MIA2: variants seen among roughly 807,000 people sequenced by gnomAD.
The protein encoded by MIA2 is MIA SH3 domain ER export factor 2, also known as melanoma inhibitory activity protein 2.
A neutral mutation model predicts 167.8 loss-of-function variants in MIA2; 127 were observed. The observed-to-expected ratio is 0.76, with a 90% confidence interval of 0.66 to 0.88. MIA2 has a LOEUF of 0.88. Ranked by LOEUF, MIA2 falls within the 40% of genes least tolerant of loss-of-function variation. The probability of loss-of-function intolerance (pLI) is 0.00; values close to 1 mark genes in which losing one functional copy is unlikely to be tolerated. For synonymous variants in MIA2, 552 were observed against 541.9 expected (o/e 1.02, Z -0.26); for missense variants, 1,690 against 1,624.7 (o/e 1.04, Z -0.69).
chr14:39,325,607 C>T (rs10140553), intron 24 of MIA2, among the ~76,000 whole-genome samples: 63,181 of 151,304 alleles, frequency 0.42, 13,411 homozygotes, highest in East Asian at 0.62. Flanking sequence ...GACCTTGTGA[C>T]CCGCCCGCCT....
intron 23 of MIA2, among the ~76,000 whole-genome samples, chr14:39,379,633 C>T (rs2075113108): frequency 1.3e-5 from 2 of 152,018 alleles, no homozygotes; most frequent in African/African-American, 4.8e-5. Flanking sequence ...GGGTGGATCA[C>T]CTGAGGTCAG....
intron 6 of MIA2, among the ~76,000 whole-genome samples, chr14:39,261,165 G>C (rs931926810): frequency 1.3e-5 from 2 of 151,986 alleles, no homozygotes; most frequent in Non-Finnish European, 2.9e-5. Flanking sequence ...ACAGGCTCTG[G>C]TGTGTGATGT....
Position 39,273,329 on chromosome 14 carries a change from C to T in MIA2, c.1888-3605C>T, listed in dbSNP as rs189970821. Among the ~76,000 whole-genome samples, 104 of 123,194 alleles carry T rather than the reference C, an allele frequency of 8.4e-4. 1 individual carries two copies. The highest frequency in any genetic ancestry group is 2.2e-3 in the African/African-American group (76 of 34,320). The allele number at this position is 123,194 out of a possible 152,430, so 80.8% of individuals were successfully genotyped here. Reference sequence around the variant, plus strand: ...TCAGGTTGAGGAAATTCCCTCAAATCGTACTTTGTTGAGTGTGTTTTGTTT... The same window carrying T: ...TCAGGTTGAGGAAATTCCCTCAAATTGTACTTTGTTGAGTGTGTTTTGTTT... On this transcript the variant is annotated intron_variant, in intron 6 of 28. Coordinates refer to ENST00000640607, the MANE Select transcript of MIA2 (RefSeq NM_001329214.4).
At chr14:39,385,607 G>T (rs1353045735) in intron 23 of MIA2, 4 of 811,338 alleles carry the variant, frequency 4.9e-6, no homozygotes, top group Non-Finnish European at 8.9e-6. Flanking sequence ...TCTACTTGCT[G>T]GGTCTCTGGA....
At chr14:39,281,774 G>C (rs995917805) in intron 9 of MIA2, among the ~76,000 whole-genome samples, 3 of 151,618 alleles carry the variant, frequency 2.0e-5, no homozygotes, top group African/African-American at 7.3e-5. Flanking sequence ...GGCACACGCT[G>C]CCACGCCTGG....
At position 39,237,025 on chromosome 14, in the gene MIA2, A is replaced by G. The variant is rs558258284; in HGVS notation, c.219A>G (p.Ala73=). 5.6e-6 allele frequency: 9 copies of G among 1,614,120 alleles called. No homozygotes were observed. Among genetic ancestry groups the G allele is most frequent in the South Asian group, 5.5e-5 (5 of 91,058 alleles). Residue 73 remains alanine (A), a synonymous_variant, in exon 2 of 29, where the codon GCA becomes GCG. Coordinates refer to ENST00000640607, the MANE Select transcript of MIA2 (RefSeq NM_001329214.4). ...GEEISVYVKL[A]GEREDLWAGS... Reference sequence around the variant, plus strand: ...AGATATCTGTTTATGTTAAACTTGCAGGAGAAAGGGAAGATTTGTGGGCAG... The same window carrying G: ...AGATATCTGTTTATGTTAAACTTGCGGGAGAAAGGGAAGATTTGTGGGCAG...
chr14:39,307,473 C>G (rs1292602809), intron 17 of MIA2, among the ~76,000 whole-genome samples: 3 of 135,436 alleles, frequency 2.2e-5, no homozygotes, highest in African/African-American at 8.5e-5. Flanking sequence ...GTGATCTTGG[C>G]TCACTGCACG....
chr14:39,305,800 G>T (rs2063241560), intron 17 of MIA2, among the ~76,000 whole-genome samples: 1 of 152,076 alleles, frequency 6.6e-6, no homozygotes. Context: ...GTCGGGCGTG[G>T]TGGCACATGC....
Position 39,364,231 on chromosome 14 carries a change from G to T in MIA2, c.2248+15254G>T, listed in dbSNP as rs1280328290. Among the ~76,000 whole-genome samples the T allele has an allele frequency of 2.6e-5, 4 of 152,022 alleles. 1 individual carries two copies. In the South Asian group the frequency reaches 6.2e-4, roughly 24 times the overall value. On this transcript the variant is annotated intron_variant, in intron 23 of 23. Transcript: ENST00000341502. ...AAATTAGCTGGGTGTGGTGGCGCGC[G>T]CCTGTAGTCCCAGCTACTCAGGAGG...
Position 39,363,327 on chromosome 14 carries a change from C to T in MIA2, c.2248+14350C>T, listed in dbSNP as rs572132570. 7.9e-5 allele frequency among the ~76,000 whole-genome samples: 12 copies of T among 152,240 alleles called. No homozygotes were observed. The South Asian group carries it at 8.3e-4, about 11-fold the overall frequency. ...GGAGGTTTTCTTGAGACCAGGATTT[C>T]GAGACCAGCCTGGCCAACATGGCAA... On this transcript the variant is annotated intron_variant, in intron 23 of 23. Transcript: ENST00000341502.
intron 25 of MIA2, among the ~76,000 whole-genome samples, chr14:39,335,183 C>A (rs1171877078): frequency 6.6e-6 from 1 of 152,094 alleles, no homozygotes; most frequent in African/African-American, 2.4e-5. Context: ...TATTGGGACT[C>A]ATGAAGAGTC....
At chr14:39,324,849 C>T (rs1042799123) in intron 24 of MIA2, among the ~76,000 whole-genome samples, 6 of 152,108 alleles carry the variant, frequency 3.9e-5, no homozygotes, top group Admixed American at 1.3e-4. Flanking sequence ...TCAGGTGATC[C>T]GCCCACCTCG....
rs562148288 is a variant in MIA2, at chr14:39,267,667, G to A, written c.1888-9267G>A. 5 of 975,316 alleles carry A rather than the reference G, an allele frequency of 5.1e-6. No homozygotes were observed. The East Asian group carries it at 8.0e-5, about 16-fold the overall frequency. The allele number at this position is 975,316 out of a possible 1,614,324, so 60.4% of individuals were successfully genotyped here. On this transcript the variant is annotated intron_variant, in intron 6 of 28. Coordinates refer to ENST00000640607, the MANE Select transcript of MIA2 (RefSeq NM_001329214.4). Reference sequence around the variant, plus strand: ...CTCGTCTGCTGCCCGGCTCCCGCCCGTGTTCGAGGCAGTAGTTAGGCTCGT... The same window carrying A: ...CTCGTCTGCTGCCCGGCTCCCGCCCATGTTCGAGGCAGTAGTTAGGCTCGT...
rs1294362496 is a variant in MIA2, at chr14:39,348,984, T to C, written c.4072+7T>C. ...CCACCTGCTCCATTTGCAAGTATGC[T>C]TTTTTAAACTTTTTTTTTAAAGCTC... is the stretch of plus-strand genomic sequence containing the variant. On this transcript the variant is annotated splice_region_variant and intron_variant, in intron 28 of 28. Transcript: ENST00000640607. 1 of 1,606,460 alleles carries C rather than the reference T, an allele frequency of 6.2e-7. No individual in the cohort carries two copies.
intron 9 of MIA2, among the ~76,000 whole-genome samples, chr14:39,284,582 G>A (rs1312683533): frequency 1.3e-5 from 2 of 152,016 alleles, no homozygotes; most frequent in African/African-American, 4.8e-5. Flanking sequence ...TGTGAAGAAT[G>A]CCATTGAGAT....
At chr14:39,279,073 A>G (rs1029239070) in intron 7 of MIA2, among the ~76,000 whole-genome samples, 1 of 143,774 alleles carries the variant, frequency 7.0e-6, no homozygotes, top group Non-Finnish European at 1.5e-5. Flanking sequence ...AGGCAGAGGA[A>G]TTGCTTGAAC....
At chr14:39,385,302 C>A in intron 23 of MIA2, 1 of 676,742 alleles carries the variant, frequency 1.5e-6, no homozygotes, top group South Asian at 1.8e-5. Flanking sequence ...CAAAAAAATC[C>A]ACACAACTTC....
At chr14:39,311,283 T>G (rs2064187514) in intron 18 of MIA2, among the ~76,000 whole-genome samples, 1 of 152,290 alleles carries the variant, frequency 6.6e-6, no homozygotes, top group African/African-American at 2.4e-5. Flanking sequence ...TTGGCACTTC[T>G]TCAGAGTAGA....
At chr14:39,341,348 G>A (rs1320010864) in intron 25 of MIA2, among the ~76,000 whole-genome samples, 1 of 151,954 alleles carries the variant, frequency 6.6e-6, no homozygotes, top group African/African-American at 2.4e-5. Context: ...ATAAATGATG[G>A]ATAATATAAC....
Sources: allele counts gnomAD v4.1 joint callset (sites outside exome capture counted in the v4.1 genomes callset), GRCh38; gene constraint gnomAD v4.1.1; transcripts MANE v1.5; gene names NCBI Gene and HGNC (gene_info 2026-07-23, HGNC 2026-07-21).